Variants in SLIT2 observed in about 807,000 individuals in gnomAD.
The protein encoded by SLIT2 is slit homolog 2 protein.
Under a neutral mutation model 185.7 loss-of-function variants are expected in SLIT2, and 41 were observed. The ratio of observed to expected loss-of-function variants is 0.22; its 90% CI spans 0.17 to 0.29. The LOEUF is 0.29. SLIT2 is among the 10% of genes least tolerant of loss of function. The pLI is 1.00. For synonymous variants in SLIT2, 693 were observed against 680.2 expected (o/e 1.02, Z -0.29); for missense variants, 1,571 against 1,909.0 (o/e 0.82, Z 3.30).
At chr4:20,608,763 T>C (rs1294130219) in intron 33 of SLIT2, among the ~76,000 whole-genome samples, 3 of 152,194 alleles carry the variant, frequency 2.0e-5, no homozygotes, top group Non-Finnish European at 4.4e-5. Flanking sequence ...TGCATTTTTC[T>C]ATCATTCCCT....
At position 20,254,287 on chromosome 4, in the gene SLIT2, G is replaced by C. The variant is rs1454500826; in HGVS notation, c.179+293G>C. Among the ~76,000 whole-genome samples, 1 of 152,170 alleles carries C rather than the reference G, an allele frequency of 6.6e-6. No homozygotes were observed. The highest frequency in any genetic ancestry group is 1.5e-5 in the Non-Finnish European group (1 of 68,034). Reference sequence around the variant, plus strand: ...GGGGCTGGGGAGCGGGTAGATAGGGGACAAGTACTGGAGGATGCCCGGGGC... The same window carrying C: ...GGGGCTGGGGAGCGGGTAGATAGGGCACAAGTACTGGAGGATGCCCGGGGC... On this transcript the variant is annotated intron_variant, in intron 1 of 36. Coordinates refer to ENST00000504154, the MANE Select transcript of SLIT2 (RefSeq NM_004787.4). The surrounding 1 kb of genome is among the most constrained non-coding windows in gnomAD (Gnocchi z 5.1).
chr4:20,510,819 A>G (rs989592531), intron 10 of SLIT2, among the ~76,000 whole-genome samples: 1 of 152,196 alleles, frequency 6.6e-6, no homozygotes. Context: ...TTGCATATGA[A>G]CATATGTTCA....
chr4:20,548,025 A>G (rs1206681884), intron 22 of SLIT2, among the ~76,000 whole-genome samples: 2 of 152,066 alleles, frequency 1.3e-5, no homozygotes, highest in African/African-American at 4.8e-5. Flanking sequence ...GTATCAGTGA[A>G]CATATGTATC....
At chr4:20,600,177 A>G (rs775181303) in intron 33 of SLIT2, among the ~76,000 whole-genome samples, 1 of 151,896 alleles carries the variant, frequency 6.6e-6, no homozygotes, top group South Asian at 2.1e-4. Flanking sequence ...ATTTTATGTA[A>G]TGGTGCAGCA....
At chr4:20,600,152 A>AT (rs886231238) in intron 33 of SLIT2, among the ~76,000 whole-genome samples, 72 of 151,416 alleles carry the variant, frequency 4.8e-4, no homozygotes, top group African/African-American at 1.5e-3. Flanking sequence ...ATTTTTTTTA[A>AT]TTTTTTTTTA....
intron 4 of SLIT2, among the ~76,000 whole-genome samples, chr4:20,384,220 A>T (rs188911465): frequency 3.3e-5 from 5 of 152,320 alleles, no homozygotes; most frequent in Non-Finnish European, 7.4e-5. Flanking sequence ...AATAAAAAAC[A>T]ACTATCAATA....
chr4:20,581,792 A>G (rs538251589), intron 29 of SLIT2, among the ~76,000 whole-genome samples: 2 of 152,252 alleles, frequency 1.3e-5, no homozygotes, highest in Non-Finnish European at 2.9e-5. Flanking sequence ...TGCCCAGGCT[A>G]GAGTAGTGCA....
intron 26 of SLIT2, among the ~76,000 whole-genome samples, chr4:20,554,621 C>G (rs554856564): frequency 6.6e-6 from 1 of 151,948 alleles, no homozygotes; most frequent in South Asian, 2.1e-4. Context: ...GTCAGCATAC[C>G]TGGAGATAAC....
At position 20,546,178 on chromosome 4, in the gene SLIT2, A is replaced by G. The variant is rs1018233860; in HGVS notation, c.2345+79A>G. Reference sequence around the variant, plus strand: ...ATGGCAAGGGACAGAAGATTTAGTGAACCTTCCAGATAATACAAATCATTC... The same window carrying G: ...ATGGCAAGGGACAGAAGATTTAGTGGACCTTCCAGATAATACAAATCATTC... On this transcript the variant is annotated intron_variant, in intron 22 of 36. Coordinates refer to ENST00000504154, the MANE Select transcript of SLIT2 (RefSeq NM_004787.4). The G allele has an allele frequency of 1.4e-4, 103 of 732,224 alleles. No individual in the cohort carries two copies. The African/African-American group carries it at 1.7e-3, about 12-fold the overall frequency. The allele number at this position is 732,224 out of a possible 1,614,324, so 45.4% of individuals were successfully genotyped here.
At chr4:20,437,037 C>G (rs546472210) in intron 4 of SLIT2, among the ~76,000 whole-genome samples, 22 of 152,252 alleles carry the variant, frequency 1.4e-4, no homozygotes, top group Non-Finnish European at 2.6e-4. Flanking sequence ...ATGCAGTAAG[C>G]ACTTAATAAA....
intron 4 of SLIT2, among the ~76,000 whole-genome samples, chr4:20,318,409 A>G (rs1379349845): frequency 6.6e-6 from 1 of 152,198 alleles, no homozygotes; most frequent in Non-Finnish European, 1.5e-5. Context: ...CAATACCAAA[A>G]GTAGAATAGG....
chr4:20,590,106 C>T (rs926559220), intron 30 of SLIT2, among the ~76,000 whole-genome samples: 22 of 152,048 alleles, frequency 1.4e-4, no homozygotes, highest in Admixed American at 1.0e-3. Flanking sequence ...GGGGTTTCAC[C>T]GTGTTAGCCA....
intron 29 of SLIT2, among the ~76,000 whole-genome samples, chr4:20,570,577 C>A (rs1073860): frequency 6.6e-6 from 1 of 151,438 alleles, no homozygotes; most frequent in Admixed American, 6.6e-5. Flanking sequence ...CATCATTTTC[C>A]TGATCATTAT....
chr4:20,533,776 A>G, intron 18 of SLIT2, 61 bp downstream of exon 18: 1 of 1,501,548 alleles, frequency 6.7e-7, no homozygotes, highest in Middle Eastern at 1.8e-4. Context: ...ATTGTTCATT[A>G]TAATCCTGGG....
intron 4 of SLIT2, among the ~76,000 whole-genome samples, chr4:20,339,857 C>G (rs919757123): frequency 1.3e-5 from 2 of 152,018 alleles, no homozygotes; most frequent in Admixed American, 6.6e-5. Flanking sequence ...TTCAGAAACA[C>G]CATTCTGGTT....
intron 4 of SLIT2, among the ~76,000 whole-genome samples, chr4:20,284,374 A>G (rs1204293236): frequency 6.6e-6 from 1 of 152,166 alleles, no homozygotes. Context: ...AATCCCTTCC[A>G]TAGGTTATAC....
At chr4:20,573,221 T>G in intron 29 of SLIT2, 1 of 702,968 alleles carries the variant, frequency 1.4e-6, no homozygotes, top group South Asian at 1.5e-5. Context: ...TCTTCTGTCT[T>G]TGTCGCTGCC....
chr4:20,462,905 C>G (rs1713887586), intron 4 of SLIT2, among the ~76,000 whole-genome samples: 1 of 152,132 alleles, frequency 6.6e-6, no homozygotes. Flanking sequence ...TACTCAGGAG[C>G]ACATAAAAGA....
At chr4:20,487,830 GCT>G in intron 7 of SLIT2, among the ~76,000 whole-genome samples, 1 of 152,250 alleles carries the variant, frequency 6.6e-6, no homozygotes, top group East Asian at 1.9e-4. Flanking sequence ...TAGTATCATT[GCT>G]ACTTAAAAAT....
Sources: gnomAD v4.1 joint callset for allele counts (sites outside exome capture counted in the v4.1 genomes callset) on GRCh38, gnomAD v4.1.1 for gene constraint, Gnocchi (gnomAD v3.1) non-coding constraint, MANE v1.5 for transcripts, NCBI Gene and HGNC (gene_info 2026-07-23, HGNC 2026-07-21) for gene names.